The following GRAMD2B variants were observed in gnomAD, a reference collection of about 807,000 sequenced individuals.
GRAMD2B encodes GRAM domain-containing protein 2B.
In GRAMD2B, 41 loss-of-function variants were observed where a neutral mutation model predicts 59.2. The observed-to-expected ratio is 0.69, with a 90% CI of 0.54 to 0.90. The LOEUF is 0.90. GRAMD2B is among the 40% of genes least tolerant of loss of function. The pLI is 0.00. For missense variants in GRAMD2B, 424 were observed against 500.5 expected, an observed-to-expected ratio of 0.85 and a Z score of 1.46; for synonymous variants, 161 against 182.7, an observed-to-expected ratio of 0.88 and a Z score of 0.96.
chr5:126,456,956 G>T (rs4835904), intron 1 of GRAMD2B, among the ~76,000 whole-genome samples: 123,607 of 150,946 alleles, frequency 0.82, 53,502 homozygotes, highest in East Asian at 0.99. Context: ...ACTTTGGGAG[G>T]CCAAGGCAGG....
chr5:126,426,555 A>C (rs1463357596), intron 1 of GRAMD2B, among the ~76,000 whole-genome samples: 2 of 152,226 alleles, frequency 1.3e-5, no homozygotes. Flanking sequence ...CAGTTGTATT[A>C]GTTATCTTTC....
At chr5:126,417,742 T>C (rs1759381342) in intron 1 of GRAMD2B, among the ~76,000 whole-genome samples, 1 of 152,214 alleles carries the variant, frequency 6.6e-6, no homozygotes, top group Admixed American at 6.5e-5. Flanking sequence ...AAACATTGTA[T>C]TCACACCTGA....
chr5:126,446,309 T>C (rs543418978), intron 1 of GRAMD2B, among the ~76,000 whole-genome samples: 9 of 152,194 alleles, frequency 5.9e-5, no homozygotes, highest in Non-Finnish European at 1.3e-4. Flanking sequence ...GCTACAGGTA[T>C]ATAGATGAAA....
chr5:126,384,813 G>A (rs1418126224), intron 1 of GRAMD2B, among the ~76,000 whole-genome samples: 4 of 152,174 alleles, frequency 2.6e-5, no homozygotes, highest in Non-Finnish European at 5.9e-5. Context: ...ACTGGGCCAG[G>A]TATCACTGCC....
At chr5:126,490,689 C>T (rs769369656) in intron 13 of GRAMD2B, among the ~76,000 whole-genome samples, 2 of 152,236 alleles carry the variant, frequency 1.3e-5, no homozygotes, top group Non-Finnish European at 2.9e-5. Context: ...CAGCTGGGCA[C>T]TAGCGCAGCA....
Position 126,416,608 on chromosome 5 carries a change from T to C in GRAMD2B, c.125+45041T>C, listed in dbSNP as rs565941901. Among the ~76,000 whole-genome samples, 62 of 152,206 alleles carry C rather than the reference T, an allele frequency of 4.1e-4. 1 individual carries two copies. The highest frequency in any genetic ancestry group is 9.8e-4 in the Admixed American group (15 of 15,284). On this transcript the variant is annotated intron_variant, in intron 1 of 8. Coordinates refer to the GRAMD2B transcript ENST00000506445. Reference sequence around the variant, plus strand: ...ACCAAGGGACAGAAAACATCTTCTCTGAGATTCCATCCTTCTCCCGCCAAC... The same window carrying C: ...ACCAAGGGACAGAAAACATCTTCTCCGAGATTCCATCCTTCTCCCGCCAAC...
At chr5:126,400,570 G>A (rs1757740433) in intron 1 of GRAMD2B, among the ~76,000 whole-genome samples, 1 of 152,054 alleles carries the variant, frequency 6.6e-6, no homozygotes, top group African/African-American at 2.4e-5. Context: ...ATTTTCATAT[G>A]TTTTCATGTT....
At chr5:126,363,459 T>A (rs1561450176) in intron 1 of GRAMD2B, among the ~76,000 whole-genome samples, 1 of 152,190 alleles carries the variant, frequency 6.6e-6, no homozygotes, top group Non-Finnish European at 1.5e-5. Context: ...AGGTATATAA[T>A]CAAGGGAATT....
intron 1 of GRAMD2B, among the ~76,000 whole-genome samples, chr5:126,380,539 A>T (rs534708110): frequency 2.8e-4 from 42 of 152,124 alleles, no homozygotes; most frequent in Admixed American, 1.2e-3. Flanking sequence ...TGAGCATGGG[A>T]TGTATTTCCA....
At chr5:126,428,382 AATTAT>A (rs1269851868) in intron 1 of GRAMD2B, among the ~76,000 whole-genome samples, 2 of 152,120 alleles carry the variant, frequency 1.3e-5, no homozygotes, top group African/African-American at 2.4e-5. Flanking sequence ...ATATTAAACA[AATTAT>A]ATTAAAGTAT....
upstream of GRAMD2B, among the ~76,000 whole-genome samples, chr5:126,366,846 C>CTTTTTTTTTTT (rs59718576): frequency 9.3e-6 from 1 of 107,682 alleles, no homozygotes; most frequent in Non-Finnish European, 1.8e-5. Context: ...CAGACCAAGG[C>CTTTTTTTTTTT]TTTTTTTTTT....
At chr5:126,408,479 C>T (rs1361235515) in intron 1 of GRAMD2B, among the ~76,000 whole-genome samples, 1 of 151,440 alleles carries the variant, frequency 6.6e-6, no homozygotes, top group Non-Finnish European at 1.5e-5. Context: ...AATGGGATTG[C>T]TGAGTCAAAA....
chr5:126,374,860 G>C (rs1169578162), intron 1 of GRAMD2B, among the ~76,000 whole-genome samples: 1 of 152,140 alleles, frequency 6.6e-6, no homozygotes, highest in Non-Finnish European at 1.5e-5. Context: ...TAAAAAATCT[G>C]CTAAGACAAG....
intron 1 of GRAMD2B, among the ~76,000 whole-genome samples, chr5:126,363,325 T>C (rs1257680180): frequency 6.6e-6 from 1 of 152,046 alleles, no homozygotes; most frequent in Non-Finnish European, 1.5e-5. Context: ...AAAGAAGTGT[T>C]GGCAAGCATG....
chr5:126,450,012 A>G (rs1003548646), intron 1 of GRAMD2B, among the ~76,000 whole-genome samples: 2 of 152,076 alleles, frequency 1.3e-5, no homozygotes, highest in Admixed American at 6.5e-5. Context: ...CTCTGCTACA[A>G]TGCCCATGTA....
At chr5:126,423,858 G>C (rs1035261488) in intron 1 of GRAMD2B, among the ~76,000 whole-genome samples, 169 bp downstream of exon 1, 1 of 152,142 alleles carries the variant, frequency 6.6e-6, no homozygotes, top group South Asian at 2.1e-4. Context: ...TAGATATTCA[G>C]TTAAGGAGAT....
intron 1 of GRAMD2B, among the ~76,000 whole-genome samples, chr5:126,389,381 C>A (rs1300076930): frequency 1.3e-5 from 2 of 152,132 alleles, no homozygotes; most frequent in Non-Finnish European, 2.9e-5. Context: ...ATCTTCTCTC[C>A]CGCTGTCATT....
intron 1 of GRAMD2B, among the ~76,000 whole-genome samples, chr5:126,388,895 T>C (rs1756442578): frequency 6.6e-6 from 1 of 152,078 alleles, no homozygotes; most frequent in Non-Finnish European, 1.5e-5. Flanking sequence ...TGAAAAATTA[T>C]CTATTAGGTA....
At chr5:126,465,214 G>A (rs901215099) in intron 1 of GRAMD2B, 5 of 1,408,060 alleles carry the variant, frequency 3.6e-6, no homozygotes, top group Non-Finnish European at 4.6e-6. Flanking sequence ...ATTTACAAGT[G>A]AAACAGGTGC....
Sources: allele counts gnomAD v4.1 joint callset (sites outside exome capture counted in the v4.1 genomes callset), GRCh38; gene constraint gnomAD v4.1.1; transcripts MANE v1.5; gene names NCBI Gene and HGNC (gene_info 2026-07-23, HGNC 2026-07-21).